The following MIGA1 variants were observed in gnomAD, a reference collection of about 807,000 sequenced individuals.
MIGA1 encodes family with sequence similarity 73, member A.
A neutral mutation model predicts 82.0 loss-of-function variants in MIGA1; 58 were observed. The observed-to-expected ratio is 0.71, with a 90% CI of 0.57 to 0.88. The LOEUF is 0.88. MIGA1 is among the 40% of genes least tolerant of loss of function. The pLI, the probability that MIGA1 is intolerant of heterozygous loss-of-function variation, is 0.00. For missense variants in MIGA1, 751 were observed against 749.1 expected (o/e 1.00, Z -0.03); for synonymous variants, 249 against 253.6 (o/e 0.98, Z 0.17).
intron 1 of MIGA1, among the ~76,000 whole-genome samples, chr1:77,781,172 A>G (rs1681899085): frequency 6.6e-6 from 1 of 151,908 alleles, no homozygotes; most frequent in Non-Finnish European, 1.5e-5. Context: ...GCCTCCCAAA[A>G]TGCTGGGATT....
At chr1:77,808,145 T>A (rs1270909815) in intron 5 of MIGA1, among the ~76,000 whole-genome samples, 1 of 151,546 alleles carries the variant, frequency 6.6e-6, no homozygotes, top group East Asian at 1.9e-4. Flanking sequence ...TTTTTTTTTT[T>A]TTTATTATAC....
At chr1:77,835,335 C>T (rs529511418) in intron 7 of MIGA1, among the ~76,000 whole-genome samples, 1 of 152,198 alleles carries the variant, frequency 6.6e-6, no homozygotes, top group East Asian at 1.9e-4. Flanking sequence ...TAATGTACTT[C>T]CAAAGAATAT....
At chr1:77,840,759 C>T (rs979935038) in intron 7 of MIGA1, among the ~76,000 whole-genome samples, 1 of 151,992 alleles carries the variant, frequency 6.6e-6, no homozygotes, top group African/African-American at 2.4e-5. Flanking sequence ...TTGTGGTGAG[C>T]CAAGGTCGCG....
chr1:77,867,644 A>T (rs1040794899), intron 14 of MIGA1, among the ~76,000 whole-genome samples: 9 of 152,214 alleles, frequency 5.9e-5, no homozygotes, highest in Admixed American at 1.3e-4. Flanking sequence ...GGGTTTCTTG[A>T]AGATTCAATG....
At chr1:77,840,983 T>C (rs1684607570) in intron 7 of MIGA1, among the ~76,000 whole-genome samples, 1 of 152,142 alleles carries the variant, frequency 6.6e-6, no homozygotes, top group African/African-American at 2.4e-5. Flanking sequence ...AAAAGCTCAG[T>C]GTGTGTGTAT....
chr1:77,849,970 G>A (rs1684983322), intron 8 of MIGA1, among the ~76,000 whole-genome samples: 1 of 151,866 alleles, frequency 6.6e-6, no homozygotes, highest in Non-Finnish European at 1.5e-5. Flanking sequence ...GGGAAGCAGA[G>A]GTTGTAGTGA....
intron 8 of MIGA1, among the ~76,000 whole-genome samples, chr1:77,846,314 C>T (rs2101898429): frequency 6.6e-6 from 1 of 152,096 alleles, no homozygotes; most frequent in East Asian, 1.9e-4. Context: ...GTTGGGATAC[C>T]TTCCCATTTT....
At chr1:77,853,677 AAAAC>A (rs1192601633) in intron 8 of MIGA1, 3 of 237,058 alleles carry the variant, frequency 1.3e-5, no homozygotes, top group African/African-American at 2.3e-5. Context: ...AAAACAAACA[AAAAC>A]AAACAAAAAC....
chr1:77,845,711 T>C (rs1413765336), intron 8 of MIGA1, among the ~76,000 whole-genome samples: 1 of 152,186 alleles, frequency 6.6e-6, no homozygotes, highest in Non-Finnish European at 1.5e-5. Flanking sequence ...GGGAAAATTG[T>C]TTTAATGAAG....
At chr1:77,868,886 T>G (rs1685778227) in intron 14 of MIGA1, among the ~76,000 whole-genome samples, 1 of 152,168 alleles carries the variant, frequency 6.6e-6, no homozygotes, top group Non-Finnish European at 1.5e-5. Flanking sequence ...TGAAGGAATG[T>G]TATAGTAAAT....
Position 77,846,730 on chromosome 1 carries a change from A to C in MIGA1, c.996+3323A>C, listed in dbSNP as rs552177594. On this transcript the variant is annotated intron_variant, in intron 8 of 15. Coordinates refer to ENST00000370791, the MANE Select transcript of MIGA1 (RefSeq NM_198549.4). ...TGGGAGGCCAAGGCAGGCAGATCAC[A>C]AGGTCAGGAGATCGAGACCATCCTG... Among the ~76,000 whole-genome samples the C allele has an allele frequency of 3.0e-3, 457 of 151,964 alleles. 1 individual carries two copies. Among genetic ancestry groups the C allele is most frequent in the South Asian group, 0.017 (84 of 4,818 alleles).
chr1:77,801,694 A>G, intron 3 of MIGA1, among the ~76,000 whole-genome samples, 186 bp downstream of exon 3: 1 of 152,338 alleles, frequency 6.6e-6, no homozygotes, highest in South Asian at 2.1e-4. Context: ...ATTACTTGAC[A>G]TTCTGGTACC....
chr1:77,822,882 G>C (rs1208642308), intron 7 of MIGA1, among the ~76,000 whole-genome samples: 5 of 130,496 alleles, frequency 3.8e-5, no homozygotes, highest in African/African-American at 1.5e-4. Context: ...TTGATCTGTC[G>C]CCCAGGCTGG....
chr1:77,829,814 T>C (rs1355970494), intron 7 of MIGA1, among the ~76,000 whole-genome samples: 2 of 152,060 alleles, frequency 1.3e-5, no homozygotes, highest in African/African-American at 2.4e-5. Context: ...GTTTTTAATG[T>C]TTGGATGGGT....
chr1:77,797,171 C>T (rs751572379), intron 2 of MIGA1, among the ~76,000 whole-genome samples: 2 of 152,198 alleles, frequency 1.3e-5, no homozygotes, highest in African/African-American at 4.8e-5. Flanking sequence ...TATGAATGTA[C>T]TACAGTTTAT....
intron 7 of MIGA1, among the ~76,000 whole-genome samples, chr1:77,838,436 T>C (rs895439596): frequency 9.9e-5 from 15 of 151,836 alleles, no homozygotes; most frequent in Non-Finnish European, 7.4e-5. Context: ...AATTACCTTC[T>C]ATCTTATTTA....
intron 4 of MIGA1, among the ~76,000 whole-genome samples, chr1:77,804,674 G>A (rs1053633650): frequency 2.6e-5 from 4 of 150,990 alleles, no homozygotes; most frequent in African/African-American, 7.3e-5. Flanking sequence ...AGGCTGGAGC[G>A]CAGTGGCGCG....
chr1:77,804,305 T>A (rs542628636), intron 4 of MIGA1, among the ~76,000 whole-genome samples: 1 of 152,314 alleles, frequency 6.6e-6, no homozygotes, highest in South Asian at 2.1e-4. Context: ...TTACTATTAA[T>A]GCTGATTGAC....
At chr1:77,798,273 C>G (rs532504286) in intron 2 of MIGA1, among the ~76,000 whole-genome samples, 1 of 152,172 alleles carries the variant, frequency 6.6e-6, no homozygotes, top group Admixed American at 6.5e-5. Flanking sequence ...TTTCCAGCTT[C>G]TGGTGACTCC....
Sources: allele counts gnomAD v4.1 joint callset (sites outside exome capture counted in the v4.1 genomes callset), GRCh38; gene constraint gnomAD v4.1.1; transcripts MANE v1.5; gene names NCBI Gene and HGNC (gene_info 2026-07-23, HGNC 2026-07-21).